The following ADAMTS16 variants were observed in gnomAD, a reference collection of about 807,000 sequenced individuals.
ADAMTS16 encodes ADAM metallopeptidase with thrombospondin type 1 motif 16.
ADAMTS16 carries 94 observed loss-of-function variants against 145.8 expected under a neutral mutation model. The ratio of observed to expected loss-of-function variants is 0.64; its 90% CI spans 0.55 to 0.77. The LOEUF is 0.77. Among genes scored for constraint, ADAMTS16 ranks in the 30% least tolerant of loss-of-function variants. The probability of loss-of-function intolerance (pLI) is 0.00; values close to 1 mark genes in which losing one functional copy is unlikely to be tolerated. For synonymous variants in ADAMTS16, 659 were observed against 604.3 expected (o/e 1.09, Z -1.33); for missense variants, 1,585 against 1,591.5 (o/e 1.00, Z 0.07).
chr5:5,222,641 C>G, intron 10 of ADAMTS16, 148 bp from the exon 11 acceptor site: 1 of 618,394 alleles, frequency 1.6e-6, no homozygotes, highest in Non-Finnish European at 2.9e-6. Context: ...TTACACCTTA[C>G]TCTATTATAT....
chr5:5,292,892 C>T lies in ADAMTS16; in HGVS notation c.2790-10376C>T, dbSNP rs1028057410. Among the ~76,000 whole-genome samples, 8 of 152,230 alleles carry T rather than the reference C, an allele frequency of 5.3e-5. No individual in the cohort carries two copies. The South Asian group carries it at 6.2e-4, about 12-fold the overall frequency. On this transcript the variant is annotated intron_variant, in intron 18 of 22. Transcript: ENST00000274181. ...CCTTGATCGGGTATGGCAGGGTGCA[C>T]AGGCTTGTGGTGCCTGGCCCATGGG... is the stretch of plus-strand genomic sequence containing the variant.
chr5:5,287,845 C>T (rs569074382), intron 18 of ADAMTS16, among the ~76,000 whole-genome samples: 9 of 152,256 alleles, frequency 5.9e-5, no homozygotes, highest in African/African-American at 1.7e-4. Context: ...CAGTCCTGCT[C>T]GGCCCAGACC....
rs1395158232 is a variant in ADAMTS16, at chr5:5,303,737, C to T, written c.3157C>T (p.Leu1053=). ...LLQRCHKPKK[L]QWLVSAWSQC... ...TCAGCGCTGCCACAAGCCCAAGAAGCTGCAGTGGCTGGTGTCCGCCTGGTC... is the reference window on the plus strand; with the variant it reads ...TCAGCGCTGCCACAAGCCCAAGAAGTTGCAGTGGCTGGTGTCCGCCTGGTC... Residue 1053 remains leucine (L), a synonymous_variant, in exon 20 of 23, where the codon CTG becomes TTG. Transcript: ENST00000274181. 1 of 1,613,210 alleles carries T rather than the reference C, an allele frequency of 6.2e-7. No individual in the cohort carries two copies. Among genetic ancestry groups the T allele is most frequent in the Non-Finnish European group, 8.5e-7 (1 of 1,180,026 alleles).
intron 17 of ADAMTS16, among the ~76,000 whole-genome samples, chr5:5,244,032 A>T (rs990129080): frequency 6.6e-6 from 1 of 152,222 alleles, no homozygotes; most frequent in African/African-American, 2.4e-5. Context: ...GGGATTCTCA[A>T]TTCAACAGCG....
At chr5:5,149,703 C>T (rs535797103) in intron 3 of ADAMTS16, among the ~76,000 whole-genome samples, 5 of 152,060 alleles carry the variant, frequency 3.3e-5, no homozygotes, top group Non-Finnish European at 7.4e-5. Context: ...AAAAATAAAC[C>T]CTTATGGGCA....
Position 5,318,181 on chromosome 5 carries a change from C to T in ADAMTS16, c.3459C>T (p.Cys1153=), listed in dbSNP as rs371295965. The change falls in exon 22 of 23, where the codon TGC becomes TGT. Residue 1153 remains cysteine, a synonymous_variant. Coordinates refer to ENST00000274181, the MANE Select transcript of ADAMTS16 (RefSeq NM_139056.4). ...GCGTTCAGACGAGGTCCGTGCAGTG[C>T]CTGGCTGGGGGCCGGCCGGCCTCAG... ...GGGVQTRSVQ[C]LAGGRPASGC... 1,396 of 1,558,890 alleles carry T rather than the reference C, an allele frequency of 9.0e-4. 15 individuals carry two copies. In the South Asian group the frequency reaches 0.016, roughly 17 times the overall value.
chr5:5,143,310 T>C (rs1435077813), intron 2 of ADAMTS16, among the ~76,000 whole-genome samples: 1 of 151,886 alleles, frequency 6.6e-6, no homozygotes, highest in Non-Finnish European at 1.5e-5. Flanking sequence ...CATCAAAAAA[T>C]GGGTGAAGTA....
chr5:5,305,263 A>ACACCACACACACAC (rs1275193562), intron 20 of ADAMTS16, among the ~76,000 whole-genome samples: 2 of 34,956 alleles, frequency 5.7e-5, no homozygotes, highest in Admixed American at 2.4e-4. Context: ...CCACACACAC[A>ACACCACACACACAC]ATCCCACACC....
At chr5:5,316,765 G>C (rs922347847) in intron 21 of ADAMTS16, among the ~76,000 whole-genome samples, 4 of 152,194 alleles carry the variant, frequency 2.6e-5, no homozygotes, top group African/African-American at 9.7e-5. Context: ...GGGAATGTGG[G>C]TGATGGTGCC....
intron 6 of ADAMTS16, among the ~76,000 whole-genome samples, chr5:5,188,555 G>A (rs530475647): frequency 6.6e-6 from 1 of 152,284 alleles, no homozygotes; most frequent in East Asian, 1.9e-4. Context: ...AAAGGAGAGT[G>A]GGTACTGGAC....
intron 17 of ADAMTS16, among the ~76,000 whole-genome samples, chr5:5,248,920 G>A (rs957391774): frequency 6.6e-6 from 1 of 152,210 alleles, no homozygotes; most frequent in African/African-American, 2.4e-5. Context: ...GGGTCCTCCA[G>A]AGAAACAACC....
At chr5:5,280,932 G>A (rs746636549) in intron 18 of ADAMTS16, among the ~76,000 whole-genome samples, 13 of 152,186 alleles carry the variant, frequency 8.5e-5, no homozygotes, top group African/African-American at 1.4e-4. Flanking sequence ...GCAAACCAGC[G>A]CAGCTGTTTG....
chr5:5,213,083 T>C (rs1195472714), intron 10 of ADAMTS16, among the ~76,000 whole-genome samples: 1 of 152,228 alleles, frequency 6.6e-6, no homozygotes, highest in Non-Finnish European at 1.5e-5. Context: ...TCCCTCTTCC[T>C]TGCACTATCA....
intron 18 of ADAMTS16, among the ~76,000 whole-genome samples, chr5:5,275,971 G>T (rs1261471973): frequency 2.0e-5 from 3 of 151,818 alleles, no homozygotes; most frequent in African/African-American, 7.3e-5. Context: ...CAATTCTCCT[G>T]TCTCAGCCTC....
chr5:5,225,424 G>A (rs1489495390), intron 11 of ADAMTS16, among the ~76,000 whole-genome samples: 1 of 152,148 alleles, frequency 6.6e-6, no homozygotes, highest in African/African-American at 2.4e-5. Flanking sequence ...CCAACACGGT[G>A]AAACCCTGTC....
intron 15 of ADAMTS16, 92 bp downstream of exon 15, chr5:5,239,366 G>A: frequency 6.7e-7 from 1 of 1,485,158 alleles, no homozygotes. Context: ...GAAAACAGCA[G>A]GACTTCCTTC....
At chr5:5,302,931 G>C (rs1477296570) in intron 18 of ADAMTS16, among the ~76,000 whole-genome samples, 2 of 151,326 alleles carry the variant, frequency 1.3e-5, no homozygotes, top group Non-Finnish European at 2.9e-5. Flanking sequence ...GAACCCAGAG[G>C]TGTTTTATTT....
At chr5:5,168,087 A>C (rs1397684706) in intron 3 of ADAMTS16, among the ~76,000 whole-genome samples, 1 of 152,196 alleles carries the variant, frequency 6.6e-6, no homozygotes, top group Admixed American at 6.5e-5. Context: ...TGAAAAGCGT[A>C]ACAAATATAA....
At chr5:5,240,001 G>A in intron 16 of ADAMTS16, 76 bp downstream of exon 16, 42 of 1,555,858 alleles carry the variant, frequency 2.7e-5, no homozygotes, top group Non-Finnish European at 3.1e-5. Flanking sequence ...ATGGCTGTTG[G>A]CATAATTTTA....
Sources: gnomAD v4.1 joint callset for allele counts (sites outside exome capture counted in the v4.1 genomes callset) on GRCh38, gnomAD v4.1.1 for gene constraint, MANE v1.5 for transcripts, NCBI Gene and HGNC (gene_info 2026-07-23, HGNC 2026-07-21) for gene names.